METTL8: variants seen among roughly 807,000 people sequenced by gnomAD.
METTL8 encodes the protein tRNA N(3)-cytidine methyltransferase METTL8, mitochondrial.
A neutral mutation model predicts 48.7 loss-of-function variants in METTL8; 32 were observed. The observed-to-expected ratio is 0.66, with a 90% CI of 0.50 to 0.88. METTL8 has a LOEUF of 0.88. Among genes scored for constraint, METTL8 ranks in the 40% least tolerant of loss-of-function variants. The pLI is 0.00. For synonymous variants in METTL8, 136 were observed against 157.1 expected (o/e 0.87, Z 1.01); for missense variants, 464 against 474.4 (o/e 0.98, Z 0.20).
intron 8 of METTL8, 66 bp from the exon 9 acceptor site, chr2:171,325,972 T>G (rs971533645): frequency 4.9e-5 from 67 of 1,366,124 alleles, no homozygotes; most frequent in Admixed American, 3.4e-4. Context: ...ACTAAATACT[T>G]TGATGTGAAA....
At chr2:171,422,502 G>A (rs1188172598) in intron 1 of METTL8, among the ~76,000 whole-genome samples, 3 of 152,214 alleles carry the variant, frequency 2.0e-5, no homozygotes, top group African/African-American at 7.2e-5. Flanking sequence ...TTTAATGTGA[G>A]CTTCTTTTTT....
chr2:171,422,145 A>G (rs1409356050), intron 1 of METTL8, among the ~76,000 whole-genome samples: 1 of 152,220 alleles, frequency 6.6e-6, no homozygotes, highest in African/African-American at 2.4e-5. Flanking sequence ...GAAAAATAAG[A>G]TAATGGAACA....
At chr2:171,369,635 C>T (rs566290558) in intron 2 of METTL8, among the ~76,000 whole-genome samples, 26 of 152,222 alleles carry the variant, frequency 1.7e-4, no homozygotes, top group Admixed American at 5.9e-4. Flanking sequence ...GAAGTCTTTG[C>T]GGTTCGTAGT....
At chr2:171,364,624 T>C (rs997358328) in intron 2 of METTL8, among the ~76,000 whole-genome samples, 1 of 152,200 alleles carries the variant, frequency 6.6e-6, no homozygotes, top group Non-Finnish European at 1.5e-5. Context: ...TTTTAGTTGA[T>C]GGCAATGTGT....
At chr2:171,370,999 G>A (rs1408574563) in intron 2 of METTL8, among the ~76,000 whole-genome samples, 1 of 151,984 alleles carries the variant, frequency 6.6e-6, no homozygotes, top group Non-Finnish European at 1.5e-5. Context: ...AAAAGATTAA[G>A]TACTCTGAAA....
intron 2 of METTL8, among the ~76,000 whole-genome samples, chr2:171,381,488 A>C (rs539537854): frequency 2.0e-5 from 3 of 152,198 alleles, no homozygotes; most frequent in African/African-American, 7.2e-5. Flanking sequence ...AATGGGAGAA[A>C]ATTTTTGCAA....
intron 2 of METTL8, among the ~76,000 whole-genome samples, chr2:171,381,895 C>T (rs1303705025): frequency 1.3e-5 from 2 of 151,576 alleles, no homozygotes; most frequent in Non-Finnish European, 2.9e-5. Flanking sequence ...GATTCTCCTA[C>T]CTCAGCCTCC....
At chr2:171,370,821 T>A (rs1686254882) in intron 2 of METTL8, among the ~76,000 whole-genome samples, 2 of 151,922 alleles carry the variant, frequency 1.3e-5, no homozygotes, top group Non-Finnish European at 2.9e-5. Flanking sequence ...ATAACCAGCA[T>A]ACAAATTAAG....
chr2:171,402,455 G>T (rs1689733871), intron 1 of METTL8, among the ~76,000 whole-genome samples: 1 of 152,150 alleles, frequency 6.6e-6, no homozygotes, highest in African/African-American at 2.4e-5. Context: ...CTCATTGTTG[G>T]AGTGGGAGGT....
intron 1 of METTL8, among the ~76,000 whole-genome samples, chr2:171,398,620 A>G (rs1574135422): frequency 6.6e-6 from 1 of 152,318 alleles, no homozygotes; most frequent in South Asian, 2.1e-4. Context: ...CTACAGATCT[A>G]ATGTACAATA....
chr2:171,434,762 C>A (rs966725600), upstream of METTL8: 15 of 1,391,728 alleles, frequency 1.1e-5, no homozygotes, highest in African/African-American at 1.8e-4. Context: ...GGCCGAGCCT[C>A]CTGCGGGGAT....
rs372984314 is a variant in METTL8 at position 171,422,564 on chromosome 2, T to C, written c.-13+11319A>G. Among the ~76,000 whole-genome samples, 15 of 152,282 alleles carry C rather than the reference T, an allele frequency of 9.9e-5. 1 individual carries two copies. Among genetic ancestry groups the C allele is most frequent in the African/African-American group, 3.6e-4 (15 of 41,566 alleles). ...TGGGAGAAGACATTTGTAACACATA[T>C]TATGATGAAGAATTGTTACGGAGAA... On this transcript the variant is annotated intron_variant, in intron 1 of 9. Transcript: ENST00000375258.
chr2:171,419,500 C>G (rs111818565), intron 1 of METTL8, among the ~76,000 whole-genome samples: 1 of 152,116 alleles, frequency 6.6e-6, no homozygotes, highest in South Asian at 2.1e-4. Flanking sequence ...AATAATTGTT[C>G]GATTCTAGTA....
chr2:171,415,335 A>T (rs1691197610), intron 1 of METTL8, among the ~76,000 whole-genome samples: 1 of 150,624 alleles, frequency 6.6e-6, no homozygotes. Flanking sequence ...TTTCTTCTTA[A>T]TATATCTCGA....
At chr2:171,374,622 T>C (rs1178056880) in intron 2 of METTL8, among the ~76,000 whole-genome samples, 1 of 152,140 alleles carries the variant, frequency 6.6e-6, no homozygotes, top group African/African-American at 2.4e-5. Context: ...TCAAGTTTCC[T>C]TGTGCCCCTT....
intron 1 of METTL8, among the ~76,000 whole-genome samples, chr2:171,411,439 T>C (rs1220602972): frequency 1.3e-5 from 2 of 152,222 alleles, no homozygotes; most frequent in East Asian, 1.9e-4. Context: ...GTCAAACAGA[T>C]AAGTCTTGGG....
In METTL8 at chr2:171,359,440, T is replaced by C. The variant is rs148257116; in HGVS notation, c.235+982A>G. Among the ~76,000 whole-genome samples, 243 of 152,298 alleles carry C rather than the reference T, an allele frequency of 1.6e-3. 10 individuals carry two copies. In the East Asian group the frequency reaches 0.039, roughly 24 times the overall value. Reference sequence around the variant, plus strand: ...GGAATGTAAATTAGTATGACCACTATGGAAAACAGTGTGGAGTTTCCTCAA... The same window carrying C: ...GGAATGTAAATTAGTATGACCACTACGGAAAACAGTGTGGAGTTTCCTCAA... On this transcript the variant is annotated intron_variant, in intron 3 of 9. Transcript: ENST00000375258.
chr2:171,434,591 G>A, upstream of METTL8: 1 of 1,528,014 alleles, frequency 6.5e-7, no homozygotes, highest in African/African-American at 1.4e-5. Flanking sequence ...GGCCCGACCC[G>A]GAAGCCCAAC....
At chr2:171,387,519 G>C (rs1046407345) in intron 2 of METTL8, among the ~76,000 whole-genome samples, 1 of 151,212 alleles carries the variant, frequency 6.6e-6, no homozygotes, top group Non-Finnish European at 1.5e-5. Flanking sequence ...GACAGAGCGA[G>C]ACTCTGTCTT....
Sources: gnomAD v4.1 joint callset for allele counts (sites outside exome capture counted in the v4.1 genomes callset) on GRCh38, gnomAD v4.1.1 for gene constraint, MANE v1.5 for transcripts, NCBI Gene and HGNC (gene_info 2026-07-23, HGNC 2026-07-21) for gene names.